The following ST3GAL4 variants were observed in gnomAD, a reference collection of about 807,000 sequenced individuals.
ST3GAL4 encodes the protein ST3 beta-galactoside alpha-2,3-sialyltransferase 4, also known as CMP-N-acetylneuraminate-beta-galactosamide-alpha-2,3-sialyltransferase 4.
In ST3GAL4, 24 loss-of-function variants were observed where a neutral mutation model predicts 42.6. That is an observed-to-expected ratio of 0.56 (90% confidence interval 0.41 to 0.79). ST3GAL4 has a LOEUF of 0.79. Among genes scored for constraint, ST3GAL4 ranks in the 30% least tolerant of loss-of-function variants. The probability of loss-of-function intolerance (pLI) is 0.00; values close to 1 mark genes in which losing one functional copy is unlikely to be tolerated. For missense variants in ST3GAL4, 311 were observed against 430.8 expected, an observed-to-expected ratio of 0.72 and a Z score of 2.46; for synonymous variants, 135 against 163.2, an observed-to-expected ratio of 0.83 and a Z score of 1.32.
chr11:126,405,635 A>G, intron 1 of ST3GAL4: 1 of 187,766 alleles, frequency 5.3e-6, no homozygotes, highest in Non-Finnish European at 1.1e-5. Flanking sequence ...AGACCAAGAG[A>G]CGCCTTGGAT....
In ST3GAL4 at chr11:126,358,451, G is replaced by T. The variant is rs1245335598; in HGVS notation, c.-61+2609G>T. The T allele has an allele frequency of 6.6e-6, 3 of 455,132 alleles. No homozygotes were observed. In the East Asian group the frequency reaches 2.1e-4, roughly 32 times the overall value. The allele number at this position is 455,132 out of a possible 1,614,324, so 28.2% of individuals were successfully genotyped here. On this transcript the variant is annotated intron_variant, in intron 1 of 10. Coordinates refer to ENST00000444328, the MANE Select transcript of ST3GAL4 (RefSeq NM_001254757.2). ...TGAGTGTCCTGAGTGGCCCTGGATG[G>T]ACTACTGGCTGTCCCTGGCCTCAGA...
rs1431702833 is a variant in ST3GAL4, at chr11:126,359,941, A to G, written c.-61+4099A>G. 6.6e-6 allele frequency among the ~76,000 whole-genome samples: 1 copy of G among 152,216 alleles called. No individual in the cohort carries two copies. ...GAGGGGCCCTATGGGGTCTAAGCAC[A>G]GGGAACCCAGCCAAAGTGGCTGCTC... On this transcript the variant is annotated intron_variant, in intron 1 of 10. Coordinates refer to ENST00000444328, the MANE Select transcript of ST3GAL4 (RefSeq NM_001254757.2). The surrounding 1 kb of genome is among the most constrained non-coding windows in gnomAD (Gnocchi z 4.8).
At chr11:126,365,184 TG>T (rs1952383198) in intron 1 of ST3GAL4, among the ~76,000 whole-genome samples, 1 of 147,448 alleles carries the variant, frequency 6.8e-6, no homozygotes, top group Non-Finnish European at 1.5e-5. Context: ...CCAGGCTCTG[TG>T]TCTGGCCTGT....
chr11:126,387,540 G>A (rs1953276175), intron 1 of ST3GAL4, among the ~76,000 whole-genome samples: 2 of 152,080 alleles, frequency 1.3e-5, no homozygotes, highest in Admixed American at 1.3e-4. Flanking sequence ...AGCTGGTCAT[G>A]GTGGTATGTG....
intron 9 of ST3GAL4, 178 bp from the exon 10 acceptor site, chr11:126,413,327 C>G (rs1954610281): frequency 1.2e-5 from 7 of 574,900 alleles, no homozygotes; most frequent in Non-Finnish European, 2.0e-5. Flanking sequence ...AAAATAAATT[C>G]AGTTCCTCAG....
Position 126,367,419 on chromosome 11 carries a change from A to G in ST3GAL4, c.-61+11577A>G, listed in dbSNP as rs1952473146. 2.6e-5 allele frequency among the ~76,000 whole-genome samples: 4 copies of G among 152,066 alleles called. No homozygotes were observed. In the South Asian group the frequency reaches 8.3e-4, roughly 31 times the overall value. Reference sequence around the variant, plus strand: ...CAGGAGAGGTGAGTATGATTGTGGTAGTGGTGGGGGCAGTGGCTGAGGACC... The same window carrying G: ...CAGGAGAGGTGAGTATGATTGTGGTGGTGGTGGGGGCAGTGGCTGAGGACC... On this transcript the variant is annotated intron_variant, in intron 1 of 10. Coordinates refer to ENST00000444328, the MANE Select transcript of ST3GAL4 (RefSeq NM_001254757.2).
At chr11:126,413,477 C>A in intron 9 of ST3GAL4, 28 bp from the exon 10 acceptor site, 6 of 1,612,100 alleles carry the variant, frequency 3.7e-6, no homozygotes, top group Non-Finnish European at 5.1e-6. Context: ...AGGGCTCCCA[C>A]TAACACCCTC....
At position 126,379,541 on chromosome 11, in the gene ST3GAL4, G is replaced by C. The variant is rs112013079; in HGVS notation, c.-61+23699G>C. Reference sequence around the variant, plus strand: ...TGCCCAGGCTGCAGTGCAGTGGCACGATCTTGGCTCACTGCAACCTCCACC... The same window carrying C: ...TGCCCAGGCTGCAGTGCAGTGGCACCATCTTGGCTCACTGCAACCTCCACC... On this transcript the variant is annotated intron_variant, in intron 1 of 10. Coordinates refer to ENST00000444328, the MANE Select transcript of ST3GAL4 (RefSeq NM_001254757.2). This position sits in a 1 kb window ranked among gnomAD's most constrained non-coding sequence, Gnocchi z 4.2. Among the ~76,000 whole-genome samples, 5 of 152,050 alleles carry C rather than the reference G, an allele frequency of 3.3e-5. No homozygotes were observed. The highest frequency in any genetic ancestry group is 1.2e-4 in the African/African-American group (5 of 41,408).
Position 126,397,328 on chromosome 11 carries a change from A to G in ST3GAL4, c.-60-8768A>G, listed in dbSNP as rs891568161. Among the ~76,000 whole-genome samples the G allele has an allele frequency of 2.6e-5, 4 of 152,246 alleles. No homozygotes were observed. Among genetic ancestry groups the G allele is most frequent in the African/African-American group, 9.6e-5 (4 of 41,496 alleles). ...ATAACACAAAGTTACATTGTACCAT[A>G]AAGCATATTCTATAGTACACTTAAC... On this transcript the variant is annotated intron_variant, in intron 1 of 10. Transcript: ENST00000444328. The surrounding 1 kb of genome is among the most constrained non-coding windows in gnomAD (Gnocchi z 5.0).
chr11:126,360,033 C>T (rs545421430), intron 1 of ST3GAL4, among the ~76,000 whole-genome samples: 7 of 152,328 alleles, frequency 4.6e-5, no homozygotes, highest in Admixed American at 2.6e-4. Flanking sequence ...CCTTGATGCC[C>T]GTCCTGGGCT....
intron 1 of ST3GAL4, among the ~76,000 whole-genome samples, chr11:126,381,722 G>A (rs1357901123): frequency 6.6e-6 from 1 of 151,578 alleles, no homozygotes; most frequent in Non-Finnish European, 1.5e-5. Flanking sequence ...AGGAGGGGCC[G>A]TGGGACCTGT....
chr11:126,403,448 T>A, intron 1 of ST3GAL4: 1 of 985,412 alleles, frequency 1.0e-6, no homozygotes, highest in Non-Finnish European at 1.2e-6. Flanking sequence ...CTCTTTGTAG[T>A]GTTTCCCGCC....
rs1953224028 is a variant in ST3GAL4 at position 126,386,287 on chromosome 11, C to T, written c.-60-19809C>T. Among the ~76,000 whole-genome samples, 1 of 152,130 alleles carries T rather than the reference C, an allele frequency of 6.6e-6. No individual in the cohort carries two copies. The highest frequency in any genetic ancestry group is 1.5e-5 in the Non-Finnish European group (1 of 68,034). ...TTCCTGTTTGCCGTGTGTCTGTGCC[C>T]CCCAAGGATGAATGCCATGAGTCCA... On this transcript the variant is annotated intron_variant, in intron 1 of 10. Transcript: ENST00000444328. The surrounding 1 kb of genome is among the most constrained non-coding windows in gnomAD (Gnocchi z 4.7).
At chr11:126,402,791 C>T (rs943543783) in intron 1 of ST3GAL4, among the ~76,000 whole-genome samples, 2 of 152,222 alleles carry the variant, frequency 1.3e-5, no homozygotes, top group Non-Finnish European at 2.9e-5. Flanking sequence ...TCCCCCAGTT[C>T]TGCCCTTGGG....
chr11:126,398,513 G>A lies in ST3GAL4; in HGVS notation c.-60-7583G>A, dbSNP rs1953872421. The stretch of plus-strand genomic sequence containing the variant: ...ATGCTTGCAGCTCCCCCAGGTTGCT[G>A]TTGCACACTGGTAGCTCTGCAGTTC... On this transcript the variant is annotated intron_variant, in intron 1 of 10. Coordinates refer to ENST00000444328, the MANE Select transcript of ST3GAL4 (RefSeq NM_001254757.2). The surrounding 1 kb of genome is among the most constrained non-coding windows in gnomAD (Gnocchi z 4.7). 6.6e-6 allele frequency among the ~76,000 whole-genome samples: 1 copy of A among 152,194 alleles called. No individual in the cohort carries two copies. The highest frequency in any genetic ancestry group is 1.5e-5 in the Non-Finnish European group (1 of 68,030).
rs988568972 is a variant in ST3GAL4, at chr11:126,366,150, TC to T, written c.-61+10311del. On this transcript the variant is annotated intron_variant, in intron 1 of 10. Coordinates refer to ENST00000444328, the MANE Select transcript of ST3GAL4 (RefSeq NM_001254757.2). This position sits in a 1 kb window ranked among gnomAD's most constrained non-coding sequence, Gnocchi z 4.2. Reference sequence around the variant, plus strand: ...AGGCTCCGGGCTGCCTGGTGATAGCTCCCAGGGACCTGCAAGCTGACAAACA... The same window carrying T: ...AGGCTCCGGGCTGCCTGGTGATAGCTCCAGGGACCTGCAAGCTGACAAACA... Among the ~76,000 whole-genome samples, 15 of 152,024 alleles carry T rather than the reference TC, an allele frequency of 9.9e-5. No homozygotes were observed. The East Asian group carries it at 2.1e-3, about 22-fold the overall frequency.
At chr11:126,371,164 T>TTA (rs1952631391) in intron 1 of ST3GAL4, among the ~76,000 whole-genome samples, 1 of 46,194 alleles carries the variant, frequency 2.2e-5, no homozygotes, top group Non-Finnish European at 3.9e-5. Flanking sequence ...CCCACATTCC[T>TTA]TTTTTTTTTT....
rs1953094437 is a variant in ST3GAL4, at chr11:126,383,554, A to C, written c.-60-22542A>C. Among the ~76,000 whole-genome samples, 1 of 152,060 alleles carries C rather than the reference A, an allele frequency of 6.6e-6. No homozygotes were observed. Among genetic ancestry groups the C allele is most frequent in the Non-Finnish European group, 1.5e-5 (1 of 67,990 alleles). ...GTGGGCATGGGGGGCGGGGGCAGAG[A>C]GGAGGAGGACTGAGAAGTGGGTGTA... On this transcript the variant is annotated intron_variant, in intron 1 of 10. Coordinates refer to ENST00000444328, the MANE Select transcript of ST3GAL4 (RefSeq NM_001254757.2). This position sits in a 1 kb window ranked among gnomAD's most constrained non-coding sequence, Gnocchi z 4.5.
chr11:126,371,200 T>C (rs1203807717), intron 1 of ST3GAL4, among the ~76,000 whole-genome samples: 1 of 123,312 alleles, frequency 8.1e-6, no homozygotes, highest in African/African-American at 3.3e-5. Flanking sequence ...AGTCTCACTC[T>C]GTTGCCCAGG....
Sources: gnomAD v4.1 joint callset for allele counts (sites outside exome capture counted in the v4.1 genomes callset) on GRCh38, gnomAD v4.1.1 for gene constraint, Gnocchi (gnomAD v3.1) non-coding constraint, MANE v1.5 for transcripts, NCBI Gene and HGNC (gene_info 2026-07-23, HGNC 2026-07-21) for gene names.